Variants in RAP1GAP observed in about 807,000 individuals in gnomAD.
The protein encoded by RAP1GAP is rap1 GTPase-activating protein 1.
Under a neutral mutation model 87.2 loss-of-function variants are expected in RAP1GAP, and 35 were observed. The observed-to-expected ratio is 0.40, with a 90% confidence interval of 0.31 to 0.53. The LOEUF is 0.53. RAP1GAP is among the 20% of genes least tolerant of loss of function. RAP1GAP has a pLI of 0.48. For synonymous variants in RAP1GAP, 375 were observed against 363.9 expected (o/e 1.03, Z -0.35); for missense variants, 734 against 898.9 (o/e 0.82, Z 2.35).
At chr1:21,645,068 C>T (rs369790334) in intron 2 of RAP1GAP, among the ~76,000 whole-genome samples, 2 of 152,280 alleles carry the variant, frequency 1.3e-5, no homozygotes, top group Middle Eastern at 6.8e-3. Context: ...ACCAAGCTCT[C>T]TGAGTATAGC....
chr1:21,660,339 C>CTATATATATATATATATATATATA lies in RAP1GAP; in HGVS notation c.-149+8914_-149+8915insTATATATATATATATATATATATA, dbSNP rs1553503813. Among the ~76,000 whole-genome samples, 7 of 52,866 alleles carry CTATATATATATATATATATATATA rather than the reference C, an allele frequency of 1.3e-4. 1 individual carries two copies. Among genetic ancestry groups the CTATATATATATATATATATATATA allele is most frequent in the Non-Finnish European group, 2.5e-4 (6 of 23,868 alleles). The allele number at this position is 52,866 out of a possible 152,430, so 34.7% of individuals were successfully genotyped here. A position where few individuals can be genotyped will look rare whatever the true frequency, so the allele number is the denominator to read the frequency against. On this transcript the variant is annotated intron_variant, in intron 1 of 24. Transcript: ENST00000374765. ...CTGGACAGAGTGGGTTCCAACTCAG[C>CTATATATATATATATATATATATA]TATATATATTTATTGAGACAGTCTC...
intron 2 of RAP1GAP, 59 bp downstream of exon 2, chr1:21,649,702 G>A: frequency 6.6e-7 from 1 of 1,504,428 alleles, no homozygotes; most frequent in Non-Finnish European, 9.1e-7. Flanking sequence ...ATGGATTGGG[G>A]GTATCTGCAG....
chr1:21,619,570 C>T (rs1486358873), intron 4 of RAP1GAP, among the ~76,000 whole-genome samples: 9 of 152,004 alleles, frequency 5.9e-5, no homozygotes, highest in Non-Finnish European at 8.8e-5. Context: ...CTATGTGAAA[C>T]GCAGACGGGG....
intron 10 of RAP1GAP, among the ~76,000 whole-genome samples, chr1:21,612,602 C>G (rs1455924081): frequency 6.6e-6 from 1 of 152,146 alleles, no homozygotes; most frequent in Non-Finnish European, 1.5e-5. Context: ...TTCTGAAGCC[C>G]CTTCAGGATA....
intron 18 of RAP1GAP, among the ~76,000 whole-genome samples, chr1:21,605,703 T>C: frequency 6.6e-6 from 1 of 152,148 alleles, no homozygotes; most frequent in East Asian, 1.9e-4. Flanking sequence ...TGACAGTAGG[T>C]GCCCACACAG....
intron 17 of RAP1GAP, among the ~76,000 whole-genome samples, chr1:21,607,743 A>C (rs1437665470): frequency 6.6e-6 from 1 of 151,948 alleles, no homozygotes; most frequent in Admixed American, 6.6e-5. Flanking sequence ...CCCACCTTAC[A>C]TGCTGCTCCT....
chr1:21,597,644 C>G (rs560443371), intron 24 of RAP1GAP, 42 bp downstream of exon 24: 5 of 1,516,862 alleles, frequency 3.3e-6, no homozygotes, highest in Non-Finnish European at 3.6e-6. Context: ...TACACACCCC[C>G]ACCCTCTCCC....
At chr1:21,624,726 C>T (rs1042433878) in intron 3 of RAP1GAP, among the ~76,000 whole-genome samples, 3 of 152,136 alleles carry the variant, frequency 2.0e-5, no homozygotes, top group African/African-American at 7.2e-5. Flanking sequence ...TTGGCACAAA[C>T]GGAGGCTTCT....
intron 5 of RAP1GAP, 116 bp from the exon 6 acceptor site, chr1:21,618,088 A>G (rs538115781): frequency 8.2e-7 from 1 of 1,221,060 alleles, no homozygotes; most frequent in African/African-American, 1.5e-5. Context: ...CCCTGGCCTC[A>G]TCACCTCTTA....
In RAP1GAP at chr1:21,613,201, C is replaced by G. The variant is rs780262542; in HGVS notation, c.503G>C (p.Arg168Pro). ...CTTGGGGTAGAGCACAGGATAGAACCGATCCACATTGACGTCTTCACACAC... is the reference window on the plus strand; with the variant it reads ...CTTGGGGTAGAGCACAGGATAGAACGGATCCACATTGACGTCTTCACACAC... ...KLVCEDVNVD[R>P]FYPVLYPKAS... The change falls in exon 10 of 25, where the codon CGG becomes CCG. Residue 168 changes from arginine (R) to proline (P), a missense_variant. Physicochemically the swap from Arg to Pro is moderately radical, Grantham distance 103 (BLOSUM62 -2). This residue lies in a region of RAP1GAP where 485 missense variants were observed against 646.2 expected (regional missense o/e 0.75). Coordinates refer to ENST00000374765, the MANE Select transcript of RAP1GAP (RefSeq NM_002885.4). The surrounding 1 kb of genome is among the most constrained non-coding windows in gnomAD (Gnocchi z 4.7). The G allele has an allele frequency of 6.4e-7, 1 of 1,564,456 alleles. No homozygotes were observed. The highest frequency in any genetic ancestry group is 8.8e-7 in the Non-Finnish European group (1 of 1,134,956).
At chr1:21,602,982 TG>T (rs1449407078) in intron 18 of RAP1GAP, 69 bp from the exon 19 acceptor site, 8 of 1,148,916 alleles carry the variant, frequency 7.0e-6, no homozygotes, top group African/African-American at 1.5e-5. Flanking sequence ...ACATCCCCTC[TG>T]GGGATCCTGC....
chr1:21,615,274 G>A lies in RAP1GAP; in HGVS notation c.292-1185C>T, dbSNP rs1471331581. ...CCCCTCTCTGCCAGGATAGGGCCCA[G>A]TGCCTGAGCACCTGGCTGCTTCCCC... On this transcript the variant is annotated intron_variant, in intron 7 of 24. Coordinates refer to ENST00000374765, the MANE Select transcript of RAP1GAP (RefSeq NM_002885.4). This position sits in a 1 kb window ranked among gnomAD's most constrained non-coding sequence, Gnocchi z 4.5. 6.6e-6 allele frequency among the ~76,000 whole-genome samples: 1 copy of A among 152,196 alleles called. No homozygotes were observed. Among genetic ancestry groups the A allele is most frequent in the African/African-American group, 2.4e-5 (1 of 41,454 alleles).
chr1:21,641,676 C>T (rs1413761987), intron 2 of RAP1GAP, among the ~76,000 whole-genome samples: 3 of 152,166 alleles, frequency 2.0e-5, no homozygotes, highest in Non-Finnish European at 4.4e-5. Flanking sequence ...CCTGAAAGAT[C>T]CCAGGAGGTG....
At chr1:21,651,830 C>T (rs1220584301) in intron 1 of RAP1GAP, 30 of 1,202,926 alleles carry the variant, frequency 2.5e-5, no homozygotes, top group Admixed American at 4.0e-5. Flanking sequence ...CATGGTGCCG[C>T]CGCCGCCGCC....
chr1:21,652,710 C>G (rs574543068), intron 1 of RAP1GAP, among the ~76,000 whole-genome samples: 2 of 152,110 alleles, frequency 1.3e-5, no homozygotes, highest in Admixed American at 1.3e-4. Context: ...TCTTCTGCAC[C>G]CAGCTCGCCC....
At chr1:21,608,730 C>T (rs1249439405) in intron 16 of RAP1GAP, 120 bp downstream of exon 16, 2 of 980,158 alleles carry the variant, frequency 2.0e-6, no homozygotes, top group Non-Finnish European at 1.6e-6. Flanking sequence ...TCCATCCAGC[C>T]CCAGGTGTCC....
chr1:21,619,101 C>T (rs1389554136), intron 4 of RAP1GAP, 29 bp from the exon 5 acceptor site: 2 of 1,577,422 alleles, frequency 1.3e-6, no homozygotes, highest in African/African-American at 1.3e-5. Flanking sequence ...CTGTTACACC[C>T]TCCCAGGCCT....
At chr1:21,654,829 C>T (rs1291561578) in intron 1 of RAP1GAP, among the ~76,000 whole-genome samples, 3 of 146,948 alleles carry the variant, frequency 2.0e-5, no homozygotes, top group African/African-American at 7.6e-5. Flanking sequence ...AAGACCCTGT[C>T]TTAAAAAGAA....
intron 1 of RAP1GAP, among the ~76,000 whole-genome samples, chr1:21,650,819 G>A (rs2096506799): frequency 1.3e-5 from 2 of 152,106 alleles, no homozygotes; most frequent in Non-Finnish European, 2.9e-5. Flanking sequence ...GTAGCCTCTG[G>A]CCTCCCACCC....
Sources: allele counts gnomAD v4.1 joint callset (sites outside exome capture counted in the v4.1 genomes callset), GRCh38; gene constraint gnomAD v4.1.1; regional missense constraint gnomAD v4.1.1; non-coding constraint Gnocchi (gnomAD v3.1); transcripts MANE v1.5; gene names NCBI Gene and HGNC (gene_info 2026-07-23, HGNC 2026-07-21).